WBP1L: variants seen among roughly 807,000 people sequenced by gnomAD.
WBP1L encodes WW domain binding protein 1 like, also known as WW domain binding protein 1-like.
A neutral mutation model predicts 33.7 loss-of-function variants in WBP1L; 17 were observed. That is an observed-to-expected ratio of 0.50 (90% CI 0.34 to 0.76). The LOEUF (loss-of-function observed/expected upper bound fraction) is 0.76. WBP1L is among the 30% of genes least tolerant of loss of function. The pLI, the probability that WBP1L is intolerant of heterozygous loss-of-function variation, is 0.01. For synonymous variants in WBP1L, 173 were observed against 190.8 expected (o/e 0.91, Z 0.77); for missense variants, 389 against 469.4 (o/e 0.83, Z 1.58).
At position 102,798,019 on chromosome 10, in the gene WBP1L, C is replaced by G; in HGVS notation, c.117C>G (p.Asn39Lys). Reference protein sequence around the residue: ...PQDKEACVGTNNQSYICDTGH... With the variant: ...PQDKEACVGTKNQSYICDTGH... ...ATAAGGAAGCCTGTGTGGGTACCAA[C>G]AATCAAAGCTACATCTGTGACACAG... Residue 39 changes from asparagine to lysine, a missense_variant, in exon 2 of 4, where the codon AAC becomes AAG. Coordinates refer to ENST00000448841, the MANE Select transcript of WBP1L (RefSeq NM_001083913.2). 1 of 1,614,070 alleles carries G rather than the reference C, an allele frequency of 6.2e-7. No homozygotes were observed. Among genetic ancestry groups the G allele is most frequent in the East Asian group, 2.2e-5 (1 of 44,880 alleles).
chr10:102,815,918 T>C lies in WBP1L; in HGVS notation c.*2587T>C, dbSNP rs1455860495. On this transcript the variant is annotated 3_prime_UTR_variant, in exon 4 of 4. Transcript: ENST00000448841. ...TCCCAGGTCACAGTTTGGCCCCCGCTACAGGATGCTGCCCTGCTCAGAGAG... is the reference window on the plus strand; with the variant it reads ...TCCCAGGTCACAGTTTGGCCCCCGCCACAGGATGCTGCCCTGCTCAGAGAG... 1 of 152,554 alleles carries C rather than the reference T, an allele frequency of 6.6e-6. No individual in the cohort carries two copies. The highest frequency in any genetic ancestry group is 2.4e-5 in the African/African-American group (1 of 41,440). 9.5% of individuals were successfully genotyped at this position (152,554 alleles called of 1,614,324 possible). A position where few individuals can be genotyped will look rare whatever the true frequency, so the allele number is the denominator to read the frequency against.
At position 102,744,137 on chromosome 10, in the gene WBP1L, C is replaced by T. The variant is rs775868740; in HGVS notation, c.84C>T (p.Pro28=). The T allele has an allele frequency of 3.4e-5, 52 of 1,550,168 alleles. No homozygotes were observed. The highest frequency in any genetic ancestry group is 4.4e-5 in the Non-Finnish European group (51 of 1,146,530). ...GCCCCTTGTCAGCCAGGGCTGAACC[C>T]CCGCAGGTAAGGGGGAGGGGGCGTC... ...LPSPLSARAE[P]PQDKEACVGT... The change falls in exon 1 of 4, where the codon CCC becomes CCT. Residue 28 remains proline, a synonymous_variant. Transcript: ENST00000448841.
In WBP1L at chr10:102,792,576, CTTTTTTTTTTCTTTTCTTTT is replaced by C. The variant is rs754599620; in HGVS notation, c.91-5406_91-5387del. Among the ~76,000 whole-genome samples, 127 of 142,216 alleles carry C rather than the reference CTTTTTTTTTTCTTTTCTTTT, an allele frequency of 8.9e-4. 1 individual carries two copies. The highest frequency in any genetic ancestry group is 1.5e-3 in the Non-Finnish European group (101 of 65,380). The allele number at this position is 142,216 out of a possible 152,430, so 93.3% of individuals were successfully genotyped here. On this transcript the variant is annotated intron_variant, in intron 1 of 3. Coordinates refer to ENST00000448841, the MANE Select transcript of WBP1L (RefSeq NM_001083913.2). ...TTCTTCCCTGTCCTCTTCCTAGTTACTTTTTTTTTTCTTTTCTTTTTTTTTTTTTTTTTTTGAGACAGTGT... is the reference window on the plus strand; with the variant it reads ...TTCTTCCCTGTCCTCTTCCTAGTTACTTTTTTTTTTTTTTTGAGACAGTGT...
intron 1 of WBP1L, among the ~76,000 whole-genome samples, chr10:102,747,920 A>G (rs1298476966): frequency 1.3e-5 from 2 of 152,066 alleles, no homozygotes; most frequent in Non-Finnish European, 2.9e-5. Context: ...TTAGGGACAA[A>G]TCTCTAGAGA....
intron 3 of WBP1L, among the ~76,000 whole-genome samples, chr10:102,811,582 C>T (rs1337466710): frequency 1.3e-5 from 2 of 152,208 alleles, no homozygotes; most frequent in African/African-American, 2.4e-5. Flanking sequence ...GTGATCTTGG[C>T]TCACTGCAAC....
intron 1 of WBP1L, among the ~76,000 whole-genome samples, chr10:102,752,402 T>C (rs970637796): frequency 1.3e-5 from 2 of 152,182 alleles, no homozygotes; most frequent in African/African-American, 4.8e-5. Context: ...AGCTTTGATA[T>C]GCCGAATCTC....
chr10:102,783,307 C>G (rs1029186758), intron 1 of WBP1L, among the ~76,000 whole-genome samples: 1 of 152,218 alleles, frequency 6.6e-6, no homozygotes, highest in Admixed American at 6.5e-5. Flanking sequence ...GAAAATCACA[C>G]CCCCACAGCC....
Position 102,813,248 on chromosome 10 carries a change from C to T in WBP1L, c.1009C>T (p.Pro337Ser). The T allele has an allele frequency of 6.2e-7, 1 of 1,613,010 alleles. No individual in the cohort carries two copies. The highest frequency in any genetic ancestry group is 8.5e-7 in the Non-Finnish European group (1 of 1,179,980). ...QAREPGHPHL[P>S]RPPACLLLNT... is the part of the protein sequence containing the mutation. ...TCGAGAGCCTGGGCACCCGCACCTGCCACGGCCGCCCGCATGCCTGCTGCT... is the reference window on the plus strand; with the variant it reads ...TCGAGAGCCTGGGCACCCGCACCTGTCACGGCCGCCCGCATGCCTGCTGCT... The change falls in exon 4 of 4, where the codon CCA (proline) becomes TCA (serine). Residue 337 changes from proline (P) to serine (S), a missense_variant. By Grantham distance (74) the Pro-to-Ser change is moderately conservative. Transcript: ENST00000448841.
chr10:102,784,863 CT>C (rs1188935461), intron 1 of WBP1L, among the ~76,000 whole-genome samples: 5 of 61,114 alleles, frequency 8.2e-5, no homozygotes, highest in Non-Finnish European at 2.4e-4. Flanking sequence ...ACCCAGCCCA[CT>C]TTTTTTTCTT....
At chr10:102,802,416 G>T (rs1303269650) in intron 2 of WBP1L, among the ~76,000 whole-genome samples, 1 of 147,844 alleles carries the variant, frequency 6.8e-6, no homozygotes, top group Non-Finnish European at 1.5e-5. Flanking sequence ...GATACCCATT[G>T]TTAGCAAGAG....
chr10:102,782,132 T>A (rs1484153969), intron 1 of WBP1L, among the ~76,000 whole-genome samples: 2 of 150,932 alleles, frequency 1.3e-5, no homozygotes, highest in Non-Finnish European at 3.0e-5. Flanking sequence ...CCTGTCAAAG[T>A]GCTGGGATTA....
chr10:102,809,812 A>G (rs1843802140), intron 2 of WBP1L, 81 bp from the exon 3 acceptor site: 2 of 1,503,964 alleles, frequency 1.3e-6, no homozygotes, highest in African/African-American at 1.4e-5. Flanking sequence ...GGCACCGTCC[A>G]GGGACCTCCC....
intron 1 of WBP1L, among the ~76,000 whole-genome samples, chr10:102,787,011 T>C (rs1388204707): frequency 6.6e-6 from 1 of 152,202 alleles, no homozygotes; most frequent in South Asian, 2.1e-4. Context: ...CTGAACCTTA[T>C]CAGAAGATTT....
At chr10:102,760,221 C>G (rs1468920911) in intron 1 of WBP1L, among the ~76,000 whole-genome samples, 1 of 152,122 alleles carries the variant, frequency 6.6e-6, no homozygotes, top group Non-Finnish European at 1.5e-5. Context: ...AGAGCTCTTC[C>G]CAGTGAGTGA....
chr10:102,776,429 T>C (rs758972651), intron 1 of WBP1L: 2 of 1,614,196 alleles, frequency 1.2e-6, no homozygotes, highest in Non-Finnish European at 1.7e-6. Flanking sequence ...TAATTGTTTC[T>C]GCACGGATCG....
At chr10:102,802,188 CTGGAG>C (rs1333630162) in intron 2 of WBP1L, among the ~76,000 whole-genome samples, 2 of 144,362 alleles carry the variant, frequency 1.4e-5, no homozygotes, top group Non-Finnish European at 3.0e-5. Context: ...ATCACCCAGG[CTGGAG>C]TGTAGTGGTA....
At chr10:102,796,691 A>G (rs1843577742) in intron 1 of WBP1L, among the ~76,000 whole-genome samples, 1 of 152,204 alleles carries the variant, frequency 6.6e-6, no homozygotes. Context: ...GATAAGGACA[A>G]TGTCTTATTC....
intron 2 of WBP1L, among the ~76,000 whole-genome samples, chr10:102,798,902 G>A (rs1020781793): frequency 6.6e-6 from 1 of 152,204 alleles, no homozygotes; most frequent in South Asian, 2.1e-4. Context: ...CTTTCCCTAG[G>A]TCCTTGCCTA....
chr10:102,768,057 C>G (rs1843135247), intron 1 of WBP1L, among the ~76,000 whole-genome samples: 1 of 152,118 alleles, frequency 6.6e-6, no homozygotes, highest in Admixed American at 6.6e-5. Flanking sequence ...CAGTATCCAT[C>G]TCTTTGGGGT....
Sources: gnomAD v4.1 joint callset for allele counts (sites outside exome capture counted in the v4.1 genomes callset) on GRCh38, gnomAD v4.1.1 for gene constraint, MANE v1.5 for transcripts, NCBI Gene and HGNC (gene_info 2026-07-23, HGNC 2026-07-21) for gene names.